Variants in LOC400499 observed in about 807,000 individuals in gnomAD.
At chr16:11,521,361 G>A in the LOC400499 span, among the ~76,000 whole-genome samples, 68 of 152,202 alleles carry the variant, frequency 4.5e-4, no homozygotes, top group Non-Finnish European at 1.9e-4. Context: ...AAGCACTTCT[G>A]CTTGCAAGAA....
chr16:11,461,814 G>A, the LOC400499 span, among the ~76,000 whole-genome samples: 1 of 152,130 alleles, frequency 6.6e-6, no homozygotes, highest in Admixed American at 6.5e-5. Flanking sequence ...CCAGCACCAG[G>A]GCCAGCACCT....
At chr16:11,382,822 C>T in the LOC400499 span, among the ~76,000 whole-genome samples, 2 of 152,082 alleles carry the variant, frequency 1.3e-5, no homozygotes, top group Non-Finnish European at 2.9e-5. Flanking sequence ...AAGAAAAAAC[C>T]TAATGGCAAA....
chr16:11,503,877 A>G, the LOC400499 span, among the ~76,000 whole-genome samples: 1 of 152,180 alleles, frequency 6.6e-6, no homozygotes, highest in Non-Finnish European at 1.5e-5. Context: ...AAAAGACTCT[A>G]TTGCCCAGTT....
chr16:11,436,568 A>G, the LOC400499 span, among the ~76,000 whole-genome samples: 5 of 151,880 alleles, frequency 3.3e-5, no homozygotes, highest in African/African-American at 4.8e-5. Flanking sequence ...GTGCATTACA[A>G]TCACAGGAAA....
At chr16:11,443,048 G>A in the LOC400499 span, among the ~76,000 whole-genome samples, 1 of 152,156 alleles carries the variant, frequency 6.6e-6, no homozygotes, top group Non-Finnish European at 1.5e-5. Flanking sequence ...AAATGGCCGG[G>A]CGTGGTGGTT....
the LOC400499 span, among the ~76,000 whole-genome samples, chr16:11,390,844 C>T: frequency 6.6e-6 from 1 of 152,142 alleles, no homozygotes; most frequent in African/African-American, 2.4e-5. Context: ...TGTGGCAGCC[C>T]CCAATAAAAA....
At chr16:11,490,300 T>C in the LOC400499 span, among the ~76,000 whole-genome samples, 1 of 148,502 alleles carries the variant, frequency 6.7e-6, no homozygotes, top group East Asian at 2.0e-4. Context: ...AGAGGCTGAG[T>C]CAGGGGAATT....
At chr16:11,505,470 T>G in the LOC400499 span, among the ~76,000 whole-genome samples, 1 of 112,624 alleles carries the variant, frequency 8.9e-6, no homozygotes, top group Non-Finnish European at 1.8e-5. Flanking sequence ...TTTTTTTTTT[T>G]TGGAGAAGAG....
chr16:11,512,956 C>A, the LOC400499 span, among the ~76,000 whole-genome samples: 1 of 152,046 alleles, frequency 6.6e-6, no homozygotes, highest in Admixed American at 6.6e-5. Flanking sequence ...CAGGGGGTGC[C>A]GGGAGCCTGC....
At chr16:11,378,853 G>A in the LOC400499 span, among the ~76,000 whole-genome samples, 1 of 152,190 alleles carries the variant, frequency 6.6e-6, no homozygotes, top group Non-Finnish European at 1.5e-5. Flanking sequence ...TTTGAAGAAT[G>A]TGTATTCTGC....
the LOC400499 span, among the ~76,000 whole-genome samples, chr16:11,509,137 G>A: frequency 2.3e-5 from 1 of 43,504 alleles, no homozygotes; most frequent in East Asian, 4.9e-4. Flanking sequence ...TTTTTTTTTT[G>A]AGACGGAGTC....
the LOC400499 span, chr16:11,396,413 G>A: frequency 8.7e-6 from 10 of 1,145,746 alleles, no homozygotes; most frequent in African/African-American, 3.2e-5. Context: ...TAGATGGCGG[G>A]GCCGCCCAGG....
chr16:11,512,215 G>A, the LOC400499 span, among the ~76,000 whole-genome samples: 2 of 151,830 alleles, frequency 1.3e-5, no homozygotes, highest in African/African-American at 4.8e-5. Flanking sequence ...CCGGAAGGAG[G>A]AGGTTACAGT....
At chr16:11,428,333 G>A in the LOC400499 span, among the ~76,000 whole-genome samples, 2 of 152,148 alleles carry the variant, frequency 1.3e-5, no homozygotes, top group South Asian at 2.1e-4. Context: ...CACCACGCCT[G>A]GCTAATTTTT....
chr16:11,392,444 G>C, the LOC400499 span: 2 of 398,988 alleles, frequency 5.0e-6, no homozygotes, highest in Non-Finnish European at 8.8e-6. Context: ...CAGGACCTCC[G>C]CCTCGGCTGT....
chr16:11,404,803 CACGGGTCCCAT>C, the LOC400499 span: 2 of 398,930 alleles, frequency 5.0e-6, no homozygotes, highest in Non-Finnish European at 8.8e-6. Context: ...TGGCGCAGGA[CACGGGTCCCAT>C]GAGCTCGCTC....
chr16:11,423,227 G>T, the LOC400499 span: 2 of 399,146 alleles, frequency 5.0e-6, no homozygotes, highest in African/African-American at 4.1e-5. Context: ...CTAACAGCTG[G>T]GTGGGCGAGG....
chr16:11,476,477 C>A, the LOC400499 span, among the ~76,000 whole-genome samples: 4 of 152,060 alleles, frequency 2.6e-5, no homozygotes, highest in Non-Finnish European at 1.5e-5. Flanking sequence ...ACACGCACTC[C>A]CACAACACAC....
the LOC400499 span, among the ~76,000 whole-genome samples, chr16:11,519,924 A>G: frequency 6.6e-6 from 1 of 152,150 alleles, no homozygotes; most frequent in African/African-American, 2.4e-5. Context: ...GCTGGTCTCG[A>G]ACTCCAGACC....
Sources: gnomAD v4.1 joint callset for allele counts (sites outside exome capture counted in the v4.1 genomes callset) on GRCh38, gnomAD v4.1.1 for gene constraint, MANE v1.5 for transcripts.